ZNF644: variants seen among roughly 807,000 people sequenced by gnomAD.
ZNF644 encodes zinc finger protein 644.
In ZNF644, 20 loss-of-function variants were observed where a neutral mutation model predicts 108.0. The observed-to-expected ratio is 0.19, with a 90% CI of 0.13 to 0.27. The LOEUF (loss-of-function observed/expected upper bound fraction) is 0.27. Among genes scored for constraint, ZNF644 ranks in the 10% least tolerant of loss-of-function variants. ZNF644 has a pLI of 1.00. For synonymous variants in ZNF644, 542 were observed against 539.1 expected (o/e 1.01, Z -0.08); for missense variants, 1,338 against 1,548.9 (o/e 0.86, Z 2.29).
intron 4 of ZNF644, among the ~76,000 whole-genome samples, chr1:90,929,965 A>G (rs763938991): frequency 1.3e-4 from 20 of 152,362 alleles, no homozygotes; most frequent in Middle Eastern, 3.4e-3. Context: ...AATAGCAACA[A>G]TTGGGCTTTA....
chr1:90,917,260 C>G (rs1247222026), intron 5 of ZNF644, among the ~76,000 whole-genome samples: 4 of 152,118 alleles, frequency 2.6e-5, no homozygotes, highest in South Asian at 2.1e-4. Flanking sequence ...CTTGAAACAA[C>G]AACTATTACT....
chr1:90,916,405 AAT>A lies in ZNF644; in HGVS notation c.*391_*392del. 4.7e-6 allele frequency: 1 copy of A among 211,574 alleles called. No individual in the cohort carries two copies. 13.1% of individuals were successfully genotyped at this position (211,574 alleles called of 1,614,324 possible). ...CACTAAATACATACAAACAAAATAT[AAT>A]ATCTTATTTTTCTATGCAAGTCTTG... On this transcript the variant is annotated 3_prime_UTR_variant, in exon 6 of 6. Transcript: ENST00000337393.
chr1:91,011,758 A>T (rs375243274), intron 1 of ZNF644, among the ~76,000 whole-genome samples: 22 of 151,828 alleles, frequency 1.4e-4, no homozygotes, highest in African/African-American at 5.1e-4. Flanking sequence ...CCTACCTATA[A>T]AAAAAAAGTA....
intron 2 of ZNF644, among the ~76,000 whole-genome samples, chr1:90,949,763 A>G (rs997226144): frequency 2.0e-5 from 3 of 152,212 alleles, no homozygotes; most frequent in East Asian, 1.9e-4. Context: ...CATTTTATGT[A>G]AAGGTCTGGA....
chr1:90,938,897 A>C lies in ZNF644; in HGVS notation c.2457T>G (p.Ser819Arg), dbSNP rs1431939313. The C allele has an allele frequency of 2.5e-6, 4 of 1,613,844 alleles. No homozygotes were observed. In the African/African-American group the frequency reaches 4.0e-5, roughly 16 times the overall value. ...TATCCAAGTCTTCCCCTCCAACAGAACTTTCCTTCTTAGATTCCTTAATTA... is the reference window on the plus strand; with the variant it reads ...TATCCAAGTCTTCCCCTCCAACAGACCTTTCCTTCTTAGATTCCTTAATTA... ...KRVIKESKKE[S>R]SVGGEDLDSY... The change falls in exon 3 of 6, where the codon AGT (serine) becomes AGG (arginine). Residue 819 changes from serine to arginine, a missense_variant. By Grantham distance (110) the Ser-to-Arg change is moderately radical. Transcript: ENST00000337393. The surrounding 1 kb of genome is among the most constrained non-coding windows in gnomAD (Gnocchi z 4.2).
At chr1:90,928,138 C>T (rs897162261) in intron 4 of ZNF644, among the ~76,000 whole-genome samples, 1 of 151,350 alleles carries the variant, frequency 6.6e-6, no homozygotes, top group Non-Finnish European at 1.5e-5. Context: ...TTAGCCACGG[C>T]ACCTGGCCTA....
At chr1:90,957,364 AC>A (rs1464914535) in intron 2 of ZNF644, among the ~76,000 whole-genome samples, 2 of 152,202 alleles carry the variant, frequency 1.3e-5, no homozygotes, top group Non-Finnish European at 2.9e-5. Context: ...ATGAAAACAG[AC>A]ACCAAAATCC....
At chr1:90,969,850 G>C (rs1655282824) in intron 2 of ZNF644, among the ~76,000 whole-genome samples, 1 of 152,150 alleles carries the variant, frequency 6.6e-6, no homozygotes, top group Non-Finnish European at 1.5e-5. Flanking sequence ...GGAGGTACTG[G>C]AATGTATCCC....
At chr1:90,997,528 G>C (rs1298793728) in intron 1 of ZNF644, among the ~76,000 whole-genome samples, 1 of 151,052 alleles carries the variant, frequency 6.6e-6, no homozygotes, top group Non-Finnish European at 1.5e-5. Context: ...TAAATGTGCA[G>C]TATTCAACAA....
At chr1:90,963,149 T>C (rs1654503773) in intron 2 of ZNF644, among the ~76,000 whole-genome samples, 2 of 152,116 alleles carry the variant, frequency 1.3e-5, no homozygotes, top group Non-Finnish European at 1.5e-5. Context: ...GTATAAACCA[T>C]ATAGTTCCTA....
intron 1 of ZNF644, among the ~76,000 whole-genome samples, chr1:91,015,668 C>A (rs1362176122): frequency 6.6e-6 from 1 of 152,270 alleles, no homozygotes; most frequent in Middle Eastern, 3.4e-3. Flanking sequence ...AAATATTTAA[C>A]CTGGTTATAA....
At chr1:90,997,146 G>A (rs1658220776) in intron 1 of ZNF644, among the ~76,000 whole-genome samples, 1 of 152,166 alleles carries the variant, frequency 6.6e-6, no homozygotes, top group South Asian at 2.1e-4. Flanking sequence ...AGACTCTAGA[G>A]AGCCACATGT....
chr1:90,917,062 A>C (rs1223913566), intron 5 of ZNF644, 72 bp from the exon 6 acceptor site: 1 of 1,439,324 alleles, frequency 6.9e-7, no homozygotes, highest in African/African-American at 1.4e-5. Flanking sequence ...CAAAATCCTA[A>C]AACATAAGGA....
chr1:90,944,136 T>G (rs1025118114), intron 2 of ZNF644, among the ~76,000 whole-genome samples: 3 of 152,212 alleles, frequency 2.0e-5, no homozygotes, highest in Non-Finnish European at 4.4e-5. Context: ...AAACCTTCCA[T>G]GTTCTATGTT....
intron 2 of ZNF644, among the ~76,000 whole-genome samples, chr1:90,957,644 A>C (rs1653882044): frequency 6.6e-6 from 1 of 152,226 alleles, no homozygotes; most frequent in Admixed American, 6.5e-5. Context: ...CAACATGACA[A>C]AGAGCATAAA....
rs1225416033 is a variant in ZNF644 at position 90,915,504 on chromosome 1, A to C, written c.*1294T>G. On this transcript the variant is annotated 3_prime_UTR_variant, in exon 6 of 6. Coordinates refer to ENST00000337393, the MANE Select transcript of ZNF644 (RefSeq NM_201269.3). ...TATAGTATTAGCCATACTACATGAA[A>C]TAAAATGGTGCTTGCATACAAAAAC... 6.6e-6 allele frequency: 1 copy of C among 152,628 alleles called. No individual in the cohort carries two copies. Among genetic ancestry groups the C allele is most frequent in the Non-Finnish European group, 1.5e-5 (1 of 68,004 alleles). 9.5% of individuals were successfully genotyped at this position (152,628 alleles called of 1,614,324 possible).
intron 1 of ZNF644, among the ~76,000 whole-genome samples, chr1:90,996,578 T>C (rs12760614): frequency 6.6e-6 from 1 of 152,092 alleles, no homozygotes; most frequent in South Asian, 2.1e-4. Flanking sequence ...TGAGTCCAAG[T>C]GCTTGGAACC....
intron 2 of ZNF644, among the ~76,000 whole-genome samples, chr1:90,949,907 T>C (rs1170281792): frequency 6.6e-6 from 1 of 152,132 alleles, no homozygotes; most frequent in African/African-American, 2.4e-5. Context: ...TCCCAGTATG[T>C]GGCTAAGGAG....
At chr1:90,996,332 G>C (rs1412405999) in intron 1 of ZNF644, among the ~76,000 whole-genome samples, 1 of 152,206 alleles carries the variant, frequency 6.6e-6, no homozygotes. Flanking sequence ...GGCAAAAACT[G>C]TGAAAATCAA....
Sources: gnomAD v4.1 joint callset for allele counts (sites outside exome capture counted in the v4.1 genomes callset) on GRCh38, gnomAD v4.1.1 for gene constraint, Gnocchi (gnomAD v3.1) non-coding constraint, MANE v1.5 for transcripts, NCBI Gene and HGNC (gene_info 2026-07-23, HGNC 2026-07-21) for gene names.